Variants in ADAMTS12 observed in about 807,000 individuals in gnomAD.
ADAMTS12 encodes the protein A disintegrin and metalloproteinase with thrombospondin motifs 12.
A neutral mutation model predicts 167.8 loss-of-function variants in ADAMTS12; 118 were observed. The observed-to-expected ratio is 0.70, with a 90% CI of 0.61 to 0.82. The LOEUF is 0.82. Ranked by LOEUF, ADAMTS12 falls within the 40% of genes least tolerant of loss-of-function variation. The pLI, the probability that ADAMTS12 is intolerant of heterozygous loss-of-function variation, is 0.00. For missense variants in ADAMTS12, 1,916 were observed against 1,998.8 expected (o/e 0.96, Z 0.79); for synonymous variants, 704 against 716.9 (o/e 0.98, Z 0.29).
intron 3 of ADAMTS12, among the ~76,000 whole-genome samples, chr5:33,713,244 A>AT (rs1244477279): frequency 1.3e-4 from 20 of 152,158 alleles, no homozygotes; most frequent in Non-Finnish European, 8.8e-5. Flanking sequence ...TTTTATCAAG[A>AT]TTTTTTGTAT....
At chr5:33,655,639 A>ATTTAAT (rs1741031073) in intron 7 of ADAMTS12, among the ~76,000 whole-genome samples, 4 of 148,132 alleles carry the variant, frequency 2.7e-5, no homozygotes, top group African/African-American at 1.0e-4. Flanking sequence ...ATTTAATTTA[A>ATTTAAT]TTTAATTTAA....
intron 19 of ADAMTS12, among the ~76,000 whole-genome samples, chr5:33,571,382 T>G (rs1746336027): frequency 6.6e-6 from 1 of 151,710 alleles, no homozygotes; most frequent in Admixed American, 6.6e-5. Flanking sequence ...AGAACAGAAA[T>G]TATAACAAAC....
chr5:33,584,065 C>T (rs554536793), intron 18 of ADAMTS12, among the ~76,000 whole-genome samples: 9 of 152,242 alleles, frequency 5.9e-5, no homozygotes, highest in African/African-American at 1.7e-4. Context: ...TCAGAGTAGA[C>T]GCTGTGCTGC....
chr5:33,539,329 T>C (rs1202870523), intron 22 of ADAMTS12, among the ~76,000 whole-genome samples: 1 of 152,178 alleles, frequency 6.6e-6, no homozygotes, highest in Non-Finnish European at 1.5e-5. Flanking sequence ...TTCCTTCATT[T>C]ACAGTTTAAT....
chr5:33,549,460 G>A, intron 20 of ADAMTS12, 77 bp from the exon 21 acceptor site: 2 of 1,517,918 alleles, frequency 1.3e-6, no homozygotes, highest in South Asian at 2.5e-5. Flanking sequence ...CAGCCGTGGA[G>A]GCGCCAGGCA....
intron 3 of ADAMTS12, among the ~76,000 whole-genome samples, chr5:33,722,225 ATTGT>A (rs137873136): frequency 0.038 from 5,743 of 152,252 alleles, 224 homozygotes; most frequent in East Asian, 0.18. Context: ...TCCACCGGTA[ATTGT>A]TTGTTATCAG....
intron 11 of ADAMTS12, 94 bp from the exon 12 acceptor site, chr5:33,637,840 GTCTC>G: frequency 7.6e-7 from 1 of 1,320,406 alleles, no homozygotes; most frequent in Non-Finnish European, 1.0e-6. Flanking sequence ...GACAAATGAT[GTCTC>G]TCTATGCCCT....
chr5:33,786,350 A>C (rs1274295852), intron 2 of ADAMTS12, among the ~76,000 whole-genome samples: 3 of 150,762 alleles, frequency 2.0e-5, no homozygotes, highest in Non-Finnish European at 4.4e-5. Context: ...TAAGAAAATA[A>C]AAATAATTTC....
chr5:33,825,384 T>C (rs1049932089), intron 2 of ADAMTS12, among the ~76,000 whole-genome samples: 7 of 152,106 alleles, frequency 4.6e-5, no homozygotes, highest in Non-Finnish European at 8.8e-5. Flanking sequence ...CTCAAACTTT[T>C]TAGAGAGGAA....
At chr5:33,887,530 T>G (rs1000130731) in intron 1 of ADAMTS12, among the ~76,000 whole-genome samples, 6 of 152,194 alleles carry the variant, frequency 3.9e-5, no homozygotes, top group African/African-American at 1.4e-4. Context: ...GTAGAAATAT[T>G]ATAAGCTCCA....
At chr5:33,583,386 T>C (rs956896159) in intron 18 of ADAMTS12, among the ~76,000 whole-genome samples, 1 of 152,218 alleles carries the variant, frequency 6.6e-6, no homozygotes, top group African/African-American at 2.4e-5. Flanking sequence ...CTTTATCTAG[T>C]CGTCTGTTGA....
intron 20 of ADAMTS12, among the ~76,000 whole-genome samples, chr5:33,555,396 T>G (rs2111860825): frequency 6.6e-6 from 1 of 152,226 alleles, no homozygotes; most frequent in Admixed American, 6.5e-5. Context: ...AGGCATGTGC[T>G]GTACCAAGCC....
intron 5 of ADAMTS12, among the ~76,000 whole-genome samples, chr5:33,677,965 G>A (rs1741979795): frequency 6.6e-6 from 1 of 152,122 alleles, no homozygotes; most frequent in African/African-American, 2.4e-5. Flanking sequence ...TGCATTTTAT[G>A]TATATAGCCT....
At chr5:33,825,303 G>T (rs1748019833) in intron 2 of ADAMTS12, among the ~76,000 whole-genome samples, 1 of 152,148 alleles carries the variant, frequency 6.6e-6, no homozygotes, top group Non-Finnish European at 1.5e-5. Flanking sequence ...AAATCTTCCT[G>T]ACCATATCCA....
chr5:33,845,451 A>C (rs1176411931), intron 2 of ADAMTS12, among the ~76,000 whole-genome samples: 2 of 152,234 alleles, frequency 1.3e-5, no homozygotes, highest in Non-Finnish European at 2.9e-5. Flanking sequence ...GAATATCATC[A>C]TAAATACTGC....
intron 2 of ADAMTS12, among the ~76,000 whole-genome samples, chr5:33,820,170 G>T (rs933545269): frequency 1.3e-5 from 2 of 152,172 alleles, no homozygotes; most frequent in African/African-American, 4.8e-5. Flanking sequence ...TCAAATTCTA[G>T]CACTGTTTAG....
At chr5:33,710,453 T>A (rs1743355745) in intron 3 of ADAMTS12, among the ~76,000 whole-genome samples, 1 of 152,186 alleles carries the variant, frequency 6.6e-6, no homozygotes, top group South Asian at 2.1e-4. Flanking sequence ...CTCCATTTTC[T>A]GATCTCAAAT....
chr5:33,790,874 A>G (rs1056015504), intron 2 of ADAMTS12, among the ~76,000 whole-genome samples: 1 of 151,566 alleles, frequency 6.6e-6, no homozygotes, highest in African/African-American at 2.4e-5. Context: ...TATATGTAAG[A>G]ATACTGAATA....
chr5:33,618,243 G>A (rs1394407856), intron 14 of ADAMTS12, among the ~76,000 whole-genome samples: 1 of 152,156 alleles, frequency 6.6e-6, no homozygotes, highest in Non-Finnish European at 1.5e-5. Context: ...CTTCATCCTT[G>A]TTGTCTTCAT....
Sources: gnomAD v4.1 joint callset for allele counts (sites outside exome capture counted in the v4.1 genomes callset) on GRCh38, gnomAD v4.1.1 for gene constraint, MANE v1.5 for transcripts, NCBI Gene and HGNC (gene_info 2026-07-23, HGNC 2026-07-21) for gene names.